The following UBAP2 variants were observed in gnomAD, a reference collection of about 807,000 sequenced individuals.
UBAP2 encodes the protein ubiquitin-associated protein 2.
In UBAP2, 75 loss-of-function variants were observed where a neutral mutation model predicts 139.6. The ratio of observed to expected loss-of-function variants is 0.54; its 90% CI spans 0.45 to 0.65. The LOEUF is 0.65. UBAP2 is among the 30% of genes least tolerant of loss of function. The pLI, the probability that UBAP2 is intolerant of heterozygous loss-of-function variation, is 0.00. For missense variants in UBAP2, 1,368 were observed against 1,369.6 expected (o/e 1.00, Z 0.02); for synonymous variants, 526 against 526.2 (o/e 1.00, Z 0.01).
At chr9:34,037,315 G>A (rs996846917) in intron 1 of UBAP2, among the ~76,000 whole-genome samples, 34 of 151,976 alleles carry the variant, frequency 2.2e-4, no homozygotes, top group Admixed American at 2.0e-3. Context: ...TGTATTTTTT[G>A]GTAGAGGTAG....
chr9:33,964,335 T>A lies in UBAP2; in HGVS notation c.680-544A>T, dbSNP rs192321734. Among the ~76,000 whole-genome samples the A allele has an allele frequency of 2.0e-5, 3 of 152,290 alleles. No individual in the cohort carries two copies. The East Asian group carries it at 5.8e-4, about 29-fold the overall frequency. ...CCTTTAACTGTATTCTACAACAAAT[T>A]GGTTTTGCTTATCTAAATGCTTTTC... On this transcript the variant is annotated intron_variant, in intron 8 of 28. Coordinates refer to ENST00000379238, the MANE Select transcript of UBAP2 (RefSeq NM_001370062.2).
At chr9:34,011,645 G>A (rs904148474) in intron 2 of UBAP2, 1 of 987,404 alleles carries the variant, frequency 1.0e-6, no homozygotes, top group Non-Finnish European at 1.2e-6. Context: ...GCTCTAGGAA[G>A]TGTCAAGAGG....
At chr9:33,972,211 A>G (rs1827968577) in intron 7 of UBAP2, among the ~76,000 whole-genome samples, 1 of 152,202 alleles carries the variant, frequency 6.6e-6, no homozygotes, top group African/African-American at 2.4e-5. Context: ...TTTGTTCAGC[A>G]CCTCTATTTC....
intron 12 of UBAP2, among the ~76,000 whole-genome samples, 168 bp downstream of exon 12, chr9:33,953,117 G>A (rs1156834752): frequency 6.6e-6 from 1 of 152,184 alleles, no homozygotes; most frequent in African/African-American, 2.4e-5. Context: ...TAATCCTCAT[G>A]CCCCAGCTCC....
At chr9:33,971,874 A>G (rs536964381) in intron 7 of UBAP2, 120 bp from the exon 8 acceptor site, 1 of 623,806 alleles carries the variant, frequency 1.6e-6, no homozygotes, top group East Asian at 2.7e-5. Flanking sequence ...ACTGTAAAAG[A>G]CATCACCTCT....
At chr9:34,041,714 A>C (rs747453377) in intron 1 of UBAP2, among the ~76,000 whole-genome samples, 2 of 152,148 alleles carry the variant, frequency 1.3e-5, no homozygotes, top group Non-Finnish European at 2.9e-5. Flanking sequence ...TTATAAAACA[A>C]AACAAAGAAA....
intron 9 of UBAP2, among the ~76,000 whole-genome samples, chr9:33,962,521 CTGTAG>C (rs1335499979): frequency 6.6e-6 from 1 of 151,974 alleles, no homozygotes; most frequent in Non-Finnish European, 1.5e-5. Context: ...TGGCGTGTGC[CTGTAG>C]TCCCAGCTAC....
intron 2 of UBAP2, among the ~76,000 whole-genome samples, chr9:34,016,365 AGCGGCGGTGGTGGTG>A (rs1824328965): frequency 9.3e-5 from 1 of 10,728 alleles, no homozygotes; most frequent in Non-Finnish European, 3.5e-4. Flanking sequence ...CAGCGGCGGC[AGCGGCGGTGGTGGTG>A]GTGGTGGTGG....
intron 6 of UBAP2, among the ~76,000 whole-genome samples, chr9:33,978,533 G>A (rs1249632245): frequency 5.3e-5 from 8 of 152,058 alleles, no homozygotes; most frequent in South Asian, 2.1e-4. Flanking sequence ...AGCACTTTAC[G>A]AGGCCAAGGC....
intron 3 of UBAP2, 127 bp from the exon 4 acceptor site, chr9:33,996,460 G>T: frequency 1.6e-6 from 1 of 639,536 alleles, no homozygotes; most frequent in Non-Finnish European, 2.7e-6. Flanking sequence ...AGACTCTTGA[G>T]TTTACAATGA....
Position 33,935,854 on chromosome 9 carries a change from G to T in UBAP2, c.1954C>A (p.Gln652Lys). 1 of 1,613,582 alleles carries T rather than the reference G, an allele frequency of 6.2e-7. No individual in the cohort carries two copies. The highest frequency in any genetic ancestry group is 1.1e-5 in the South Asian group (1 of 90,884). Reference protein sequence around the residue: ...IMNGHGGGRSQQTLDTPKTTG... With the variant: ...IMNGHGGGRSKQTLDTPKTTG... The stretch of plus-strand genomic sequence containing the variant: ...CTATACTTACTGTCTAGTGTCTGCT[G>T]ACTTCGACCACCACCATGTCCATTC... The change falls in exon 17 of 29, where the codon CAG becomes AAG. Residue 652 changes from glutamine (Q) to lysine (K), a missense_variant. Coordinates refer to ENST00000379238, the MANE Select transcript of UBAP2 (RefSeq NM_001370062.2).
At chr9:33,928,373 T>C (rs1438209817) in intron 19 of UBAP2, 1 of 180,430 alleles carries the variant, frequency 5.5e-6, no homozygotes. Flanking sequence ...AGTACCTACC[T>C]CAGAGCAAAG....
intron 2 of UBAP2, among the ~76,000 whole-genome samples, chr9:34,015,455 C>T (rs1432170786): frequency 6.6e-6 from 1 of 151,382 alleles, no homozygotes; most frequent in African/African-American, 2.4e-5. Context: ...GACTAACTGC[C>T]ATTACAGGCA....
intron 1 of UBAP2, among the ~76,000 whole-genome samples, chr9:34,017,931 A>C (rs941465951): frequency 1.3e-5 from 2 of 152,120 alleles, no homozygotes; most frequent in African/African-American, 4.8e-5. Flanking sequence ...CGTCTCAAAA[A>C]AAAAAAAAAA....
At chr9:34,008,003 G>C (rs1286175409) in intron 2 of UBAP2, among the ~76,000 whole-genome samples, 1 of 151,992 alleles carries the variant, frequency 6.6e-6, no homozygotes, top group African/African-American at 2.4e-5. Context: ...AACCGTCCTA[G>C]TGACCAATTA....
upstream of UBAP2, chr9:34,048,951 G>A (rs567696267): frequency 6.6e-6 from 1 of 152,248 alleles, no homozygotes; most frequent in Non-Finnish European, 1.5e-5. Flanking sequence ...TCGCGTCACG[G>A]GCGAAGGAGG....
At chr9:33,939,906 GAT>G in intron 16 of UBAP2, among the ~76,000 whole-genome samples, 1 of 20,084 alleles carries the variant, frequency 5.0e-5, no homozygotes, top group Non-Finnish European at 1.2e-4. Flanking sequence ...GGAGGAGGAG[GAT>G]GGGGAGGAGA....
chr9:33,923,836 T>A lies in UBAP2; in HGVS notation c.2755A>T (p.Thr919Ser), dbSNP rs569426585. 6.2e-6 allele frequency: 10 copies of A among 1,614,156 alleles called. No individual in the cohort carries two copies. In the East Asian group the frequency reaches 1.1e-4, roughly 18 times the overall value. Residue 919 changes from threonine (T) to serine (S), a missense_variant, in exon 24 of 29, where the codon ACA becomes TCA. By Grantham distance (58) the Thr-to-Ser change is moderately conservative (BLOSUM62 1). Transcript: ENST00000379238. ...TACTGGAAGGCACTGGGCATGCCTGTGTAGTAGGGAAGACCAGTGTAGCTA... is the reference window on the plus strand; with the variant it reads ...TACTGGAAGGCACTGGGCATGCCTGAGTAGTAGGGAAGACCAGTGTAGCTA... ...GYSYTGLPYY[T>S]GMPSAFQYGP... is the part of the protein sequence containing the mutation.
chr9:33,973,124 A>C, intron 7 of UBAP2, 59 bp downstream of exon 7: 6 of 1,459,572 alleles, frequency 4.1e-6, no homozygotes, highest in Non-Finnish European at 5.8e-6. Context: ...ATTAGAAGCA[A>C]CTGCAGAATA....
Sources: allele counts gnomAD v4.1 joint callset (sites outside exome capture counted in the v4.1 genomes callset), GRCh38; gene constraint gnomAD v4.1.1; transcripts MANE v1.5; gene names NCBI Gene and HGNC (gene_info 2026-07-23, HGNC 2026-07-21).